Variants in ANK2 observed in about 807,000 individuals in gnomAD.
The protein encoded by ANK2 is ankyrin 2.
A neutral mutation model predicts 360.5 loss-of-function variants in ANK2; 83 were observed. The ratio of observed to expected loss-of-function variants is 0.23; its 90% CI spans 0.19 to 0.28. The LOEUF is 0.28. Ranked by LOEUF, ANK2 falls within the 10% of genes least tolerant of loss-of-function variation. The pLI is 1.00. For synonymous variants in ANK2, 1,740 were observed against 1,759.5 expected, an observed-to-expected ratio of 0.99 and a Z score of 0.28; for missense variants, 4,201 against 4,795.7, an observed-to-expected ratio of 0.88 and a Z score of 3.66.
chr4:113,320,589 T>C (rs1401754555), intron 26 of ANK2, among the ~76,000 whole-genome samples: 2 of 151,886 alleles, frequency 1.3e-5, no homozygotes, highest in African/African-American at 2.4e-5. Context: ...CGGGAGGTGG[T>C]GGTTACAGCG....
chr4:112,809,046 A>G, the ANK2 span, among the ~76,000 whole-genome samples: 3 of 151,362 alleles, frequency 2.0e-5, no homozygotes, highest in African/African-American at 7.3e-5. Flanking sequence ...TTTAGTAGAG[A>G]CGGCATTTCA....
rs1359908787 is a variant in ANK2, at chr4:112,857,412, A to G, written c.-40+39148A>G. ...GAGTCACCATAAACATATTATGCCA[A>G]ATGTATTCTCTCTTTTAATGGCCCT... is the stretch of plus-strand genomic sequence containing the variant. On this transcript the variant is annotated intron_variant, in intron 1 of 30. Coordinates refer to the ANK2 transcript ENST00000503271. Among the ~76,000 whole-genome samples, 3 of 152,164 alleles carry G rather than the reference A, an allele frequency of 2.0e-5. No individual in the cohort carries two copies. In the South Asian group the frequency reaches 6.2e-4, roughly 32 times the overall value.
chr4:113,263,758 GGTAAATCAATCT>G (rs1203328731), intron 13 of ANK2, among the ~76,000 whole-genome samples: 10 of 152,132 alleles, frequency 6.6e-5, no homozygotes, highest in Non-Finnish European at 1.2e-4. Flanking sequence ...GAACAGTTGT[GGTAAATCAATCT>G]GTAATAATTT....
intron 2 of ANK2, among the ~76,000 whole-genome samples, chr4:112,969,761 G>C (rs2038760654): frequency 6.6e-6 from 1 of 152,076 alleles, no homozygotes; most frequent in Admixed American, 6.5e-5. Context: ...TTCTTGTTCT[G>C]TCCGTGGTAG....
intron 14 of ANK2, among the ~76,000 whole-genome samples, chr4:113,269,792 A>G (rs2057817350): frequency 6.6e-6 from 1 of 152,218 alleles, no homozygotes; most frequent in Non-Finnish European, 1.5e-5. Context: ...CAGAAACTCA[A>G]AACTCCTTTC....
At chr4:112,999,036 A>G (rs1431534593) in intron 2 of ANK2, among the ~76,000 whole-genome samples, 2 of 152,206 alleles carry the variant, frequency 1.3e-5, no homozygotes, top group African/African-American at 4.8e-5. Flanking sequence ...GTATATGGAT[A>G]ATGTATTTAA....
At chr4:113,156,349 A>T (rs7673973) in intron 1 of ANK2, among the ~76,000 whole-genome samples, 100,264 of 147,480 alleles carry the variant, frequency 0.68, 34,782 homozygotes, top group African/African-American at 0.8. Context: ...ACACAAACGT[A>T]TAGAGTATAT....
chr4:112,794,608 A>G, the ANK2 span, among the ~76,000 whole-genome samples: 8 of 152,210 alleles, frequency 5.3e-5, no homozygotes, highest in Non-Finnish European at 1.0e-4. Flanking sequence ...TCTTTCATCT[A>G]TATGAGTTTG....
chr4:112,963,804 T>C (rs527530637), intron 2 of ANK2, among the ~76,000 whole-genome samples: 8 of 152,170 alleles, frequency 5.3e-5, no homozygotes, highest in Non-Finnish European at 8.8e-5. Context: ...TCAAAACATC[T>C]AACATTATTT....
In ANK2 at chr4:113,341,672, T is replaced by G; in HGVS notation, c.3894-16T>G. On this transcript the variant is annotated splice_polypyrimidine_tract_variant and intron_variant, in intron 32 of 45. Transcript: ENST00000357077. ...TACTTTGAACTTTAGATAACTGACT[T>G]TATTTATTTTAATAGGTTCTGGCTG... 6.2e-7 allele frequency: 1 copy of G among 1,612,926 alleles called. No individual in the cohort carries two copies. The highest frequency in any genetic ancestry group is 8.5e-7 in the Non-Finnish European group (1 of 1,179,010).
intron 1 of ANK2, among the ~76,000 whole-genome samples, chr4:113,152,065 C>CAAAAAAAAAAAA (rs1232657248): frequency 8.0e-5 from 5 of 62,298 alleles, no homozygotes; most frequent in African/African-American, 1.4e-4. Context: ...GTCTCTGTCT[C>CAAAAAAAAAAAA]AAAAAAAAAA....
At chr4:112,754,296 C>G in the ANK2 span, among the ~76,000 whole-genome samples, 7 of 151,242 alleles carry the variant, frequency 4.6e-5, no homozygotes, top group Non-Finnish European at 1.0e-4. Context: ...CGTTGGTTCA[C>G]CTGCACTGAA....
chr4:113,262,618 G>A (rs1307851398), intron 13 of ANK2, among the ~76,000 whole-genome samples: 5 of 150,120 alleles, frequency 3.3e-5, no homozygotes, highest in African/African-American at 4.9e-5. Context: ...AATCAATCTT[G>A]GATTGAAAAT....
intron 2 of ANK2, among the ~76,000 whole-genome samples, chr4:113,024,112 C>T (rs2058742127): frequency 6.6e-6 from 1 of 152,020 alleles, no homozygotes; most frequent in Non-Finnish European, 1.5e-5. Flanking sequence ...TACATAGGCT[C>T]ATATTAGGCT....
At chr4:112,964,324 C>T (rs2036217676) in intron 2 of ANK2, among the ~76,000 whole-genome samples, 1 of 151,086 alleles carries the variant, frequency 6.6e-6, no homozygotes, top group Non-Finnish European at 1.5e-5. Flanking sequence ...CCCACCCTCA[C>T]CCCCACTACC....
intron 22 of ANK2, among the ~76,000 whole-genome samples, chr4:113,302,034 T>C (rs1429891872): frequency 6.6e-6 from 1 of 152,200 alleles, no homozygotes; most frequent in Non-Finnish European, 1.5e-5. Context: ...TTTCTATCCT[T>C]TACTTATGGT....
At chr4:113,300,536 A>G (rs1206141467) in intron 22 of ANK2, among the ~76,000 whole-genome samples, 2 of 152,240 alleles carry the variant, frequency 1.3e-5, no homozygotes, top group Non-Finnish European at 2.9e-5. Flanking sequence ...GGGCACACAC[A>G]GTGCGTAGTG....
intron 19 of ANK2, 74 bp downstream of exon 19, chr4:113,287,777 C>A: frequency 7.8e-7 from 1 of 1,278,260 alleles, no homozygotes; most frequent in Non-Finnish European, 1.1e-6. Context: ...TTCGGGTCAC[C>A]CCATGTCCAG....
rs192993843 is a variant in ANK2 at position 113,257,688 on chromosome 4, C to T, written c.1189-362C>T. 4.9e-4 allele frequency among the ~76,000 whole-genome samples: 75 copies of T among 152,228 alleles called. 2 individuals carry two copies. The highest frequency in any genetic ancestry group is 1.7e-3 in the Admixed American group (26 of 15,286). The stretch of plus-strand genomic sequence containing the variant: ...GAAGAATATATGCTTATCTTCAGTT[C>T]ATCTTCAAGTAATTTAATAACCAGG... On this transcript the variant is annotated intron_variant, in intron 11 of 45. Transcript: ENST00000357077.
Sources: allele counts gnomAD v4.1 joint callset (sites outside exome capture counted in the v4.1 genomes callset), GRCh38; gene constraint gnomAD v4.1.1; transcripts MANE v1.5; gene names NCBI Gene and HGNC (gene_info 2026-07-23, HGNC 2026-07-21).